The following SDHC variants were observed in gnomAD, a reference collection of about 807,000 sequenced individuals.
The protein encoded by SDHC is succinate dehydrogenase cytochrome b560 subunit, mitochondrial.
A neutral mutation model predicts 22.6 loss-of-function variants in SDHC; 11 were observed. The ratio of observed to expected loss-of-function variants is 0.49; its 90% CI spans 0.31 to 0.81. SDHC has a LOEUF of 0.81. Among genes scored for constraint, SDHC ranks in the 30% least tolerant of loss-of-function variants. The pLI, the probability that SDHC is intolerant of heterozygous loss-of-function variation, is 0.05. For missense variants in SDHC, 160 were observed against 212.0 expected (o/e 0.75, Z 1.52); for synonymous variants, 80 against 77.8 (o/e 1.03, Z -0.15).
intron 4 of SDHC, among the ~76,000 whole-genome samples, chr1:161,350,662 A>G (rs924358345): frequency 3.3e-5 from 5 of 152,238 alleles, no homozygotes; most frequent in Non-Finnish European, 5.9e-5. Context: ...AAGTAAGGCA[A>G]TAATTCAGTT....
intron 1 of SDHC, among the ~76,000 whole-genome samples, chr1:161,321,273 G>GT (rs1490373980): frequency 1.3e-5 from 2 of 152,190 alleles, no homozygotes; most frequent in Admixed American, 6.5e-5. Flanking sequence ...ACTAGAAATT[G>GT]TAAGTTCTGG....
intron 4 of SDHC, among the ~76,000 whole-genome samples, chr1:161,350,222 A>AT (rs1463744988): frequency 6.6e-6 from 1 of 151,924 alleles, no homozygotes; most frequent in African/African-American, 2.4e-5. Flanking sequence ...TTTTTAAACA[A>AT]TTTTTTAAAA....
intron 1 of SDHC, among the ~76,000 whole-genome samples, chr1:161,315,228 G>C (rs1670563951): frequency 6.6e-6 from 1 of 152,158 alleles, no homozygotes; most frequent in African/African-American, 2.4e-5. Flanking sequence ...GAAATTGTTT[G>C]TTATGGAAAG....
chr1:161,339,710 T>C, intron 3 of SDHC: 2 of 333,784 alleles, frequency 6.0e-6, no homozygotes, highest in South Asian at 3.1e-5. Context: ...GTTTCACTCT[T>C]GTTGCCCAGA....
chr1:161,349,071 T>C (rs1325918496), intron 4 of SDHC, among the ~76,000 whole-genome samples: 1 of 152,200 alleles, frequency 6.6e-6, no homozygotes, highest in Non-Finnish European at 1.5e-5. Flanking sequence ...TATTTTAAGC[T>C]TTGAACCAAT....
At chr1:161,329,011 G>A (rs923198934) in intron 3 of SDHC, among the ~76,000 whole-genome samples, 36 of 152,110 alleles carry the variant, frequency 2.4e-4, no homozygotes, top group East Asian at 7.7e-4. Flanking sequence ...GGGTTCAAGC[G>A]ATTCTCCTGC....
At chr1:161,338,438 A>C (rs1320659688) in intron 3 of SDHC, among the ~76,000 whole-genome samples, 2 of 152,200 alleles carry the variant, frequency 1.3e-5, no homozygotes, top group Non-Finnish European at 2.9e-5. Flanking sequence ...CTAACATTCC[A>C]AGATGAGCGT....
chr1:161,323,645 T>A lies in SDHC; in HGVS notation c.52T>A (p.Phe18Ile). 1 of 1,590,534 alleles carries A rather than the reference T, an allele frequency of 6.3e-7. No individual in the cohort carries two copies. Among genetic ancestry groups the A allele is most frequent in the Non-Finnish European group, 8.6e-7 (1 of 1,168,616 alleles). ...TGGTCGTCATTGCCTCCGAGCCCAC[T>A]TTAGCCCTCAGCTCTGTATCAGAAA... ...HVGRHCLRAH[F>I]SPQLCIRNAV... is the part of the protein sequence containing the mutation. The change falls in exon 2 of 6, where the codon TTT becomes ATT. Residue 18 changes from phenylalanine to isoleucine, a missense_variant. Transcript: ENST00000367975.
At chr1:161,348,141 A>G (rs35130144) in intron 4 of SDHC, among the ~76,000 whole-genome samples, 57,695 of 151,928 alleles carry the variant, frequency 0.38, 12,235 homozygotes, top group African/African-American at 0.58. Context: ...TATTAAAAAG[A>G]AACTTGACAA....
intron 5 of SDHC, among the ~76,000 whole-genome samples, chr1:161,357,922 T>C (rs1179724141): frequency 6.6e-6 from 1 of 151,942 alleles, no homozygotes; most frequent in Non-Finnish European, 1.5e-5. Context: ...TACCTTTTCT[T>C]ATCTACACAT....
In SDHC at chr1:161,320,847, A is replaced by C. The variant is rs1395981625; in HGVS notation, c.21-2767A>C. Among the ~76,000 whole-genome samples the C allele has an allele frequency of 3.4e-4, 17 of 49,972 alleles. No individual in the cohort carries two copies. In the South Asian group the frequency reaches 8.7e-3, roughly 26 times the overall value. 32.8% of individuals were successfully genotyped at this position (49,972 alleles called of 152,430 possible). A position where few individuals can be genotyped will look rare whatever the true frequency, so the allele number is the denominator to read the frequency against. On this transcript the variant is annotated intron_variant, in intron 1 of 5. Transcript: ENST00000367975. The stretch of plus-strand genomic sequence containing the variant: ...GTCTTGATTTTTTTTTTTTTTTTTG[A>C]GATGGAGTCCCGCTCTGTCACCAGG...
chr1:161,345,207 C>A (rs1352331164), intron 4 of SDHC, among the ~76,000 whole-genome samples: 1 of 152,188 alleles, frequency 6.6e-6, no homozygotes, highest in East Asian at 1.9e-4. Context: ...TATTTCCTAC[C>A]TGAGAGGCAT....
intron 3 of SDHC, among the ~76,000 whole-genome samples, chr1:161,337,852 C>T (rs1405265744): frequency 6.6e-6 from 1 of 152,138 alleles, no homozygotes; most frequent in Non-Finnish European, 1.5e-5. Flanking sequence ...TTCCAATTTC[C>T]TCACCTCTTT....
intron 4 of SDHC, among the ~76,000 whole-genome samples, chr1:161,341,232 A>C (rs1458381514): frequency 3.9e-5 from 6 of 152,220 alleles, no homozygotes; most frequent in Non-Finnish European, 8.8e-5. Flanking sequence ...AATGTAATAG[A>C]GATGGGCTGG....
chr1:161,357,138 G>C (rs1672311292), intron 5 of SDHC, among the ~76,000 whole-genome samples: 1 of 152,074 alleles, frequency 6.6e-6, no homozygotes, highest in Non-Finnish European at 1.5e-5. Context: ...TGTTGGCCAG[G>C]CTGGTCTCAA....
intron 3 of SDHC, among the ~76,000 whole-genome samples, chr1:161,332,280 T>G (rs971670366): frequency 2.0e-5 from 3 of 152,182 alleles, no homozygotes; most frequent in African/African-American, 7.2e-5. Flanking sequence ...CAGCTTGCTT[T>G]TTATTTAACA....
intron 4 of SDHC, among the ~76,000 whole-genome samples, chr1:161,353,681 T>A (rs960764665): frequency 8.6e-5 from 13 of 151,980 alleles, no homozygotes; most frequent in Middle Eastern, 3.2e-3. Flanking sequence ...AGACATTTTT[T>A]AAAAAAAATC....
At chr1:161,325,131 C>T (rs188259583) in intron 2 of SDHC, among the ~76,000 whole-genome samples, 2 of 152,126 alleles carry the variant, frequency 1.3e-5, no homozygotes, top group East Asian at 1.9e-4. Flanking sequence ...GGCTTGAGTC[C>T]AGCAGTTCAA....
chr1:161,338,941 C>T (rs1032557126), intron 3 of SDHC, among the ~76,000 whole-genome samples: 9 of 152,248 alleles, frequency 5.9e-5, no homozygotes, highest in Admixed American at 3.3e-4. Context: ...CTCCGCCCCC[C>T]GGATTCAAGT....
Sources: allele counts gnomAD v4.1 joint callset (sites outside exome capture counted in the v4.1 genomes callset), GRCh38; gene constraint gnomAD v4.1.1; transcripts MANE v1.5; gene names NCBI Gene and HGNC (gene_info 2026-07-23, HGNC 2026-07-21).